PTPRM: variants seen among roughly 807,000 people sequenced by gnomAD.
The protein encoded by PTPRM is protein tyrosine phosphatase receptor type M.
PTPRM carries 47 observed loss-of-function variants against 186.7 expected under a neutral mutation model. That is an observed-to-expected ratio of 0.25 (90% CI 0.20 to 0.32). The LOEUF (loss-of-function observed/expected upper bound fraction) is 0.32. Among genes scored for constraint, PTPRM ranks in the 10% least tolerant of loss-of-function variants. The probability of loss-of-function intolerance (pLI) is 1.00; values close to 1 mark genes in which losing one functional copy is unlikely to be tolerated. For missense variants in PTPRM, 1,494 were observed against 1,865.0 expected, an observed-to-expected ratio of 0.80 and a Z score of 3.66; for synonymous variants, 668 against 674.9, an observed-to-expected ratio of 0.99 and a Z score of 0.16.
At chr18:8,124,339 T>C (rs185208737) in intron 13 of PTPRM, among the ~76,000 whole-genome samples, 1 of 152,354 alleles carries the variant, frequency 6.6e-6, no homozygotes. Context: ...ATTTTCCATT[T>C]GCATCACCCA....
chr18:7,732,245 A>AG (rs926967222), intron 1 of PTPRM, among the ~76,000 whole-genome samples: 1 of 152,144 alleles, frequency 6.6e-6, no homozygotes, highest in Non-Finnish European at 1.5e-5. Flanking sequence ...GCTAGCCTGA[A>AG]GGGGTGAGTG....
At chr18:8,373,470 C>T (rs959649263) in intron 24 of PTPRM, among the ~76,000 whole-genome samples, 1 of 152,160 alleles carries the variant, frequency 6.6e-6, no homozygotes, top group Non-Finnish European at 1.5e-5. Flanking sequence ...AGAAGGAAGA[C>T]ACCCCTGAAG....
intron 14 of PTPRM, among the ~76,000 whole-genome samples, chr18:8,228,817 C>T (rs935877411): frequency 6.6e-6 from 1 of 152,050 alleles, no homozygotes; most frequent in Non-Finnish European, 1.5e-5. Flanking sequence ...CACACCACCG[C>T]ACTCCAGCCT....
intron 32 of PTPRM, among the ~76,000 whole-genome samples, chr18:8,398,286 G>A (rs1234412842): frequency 1.3e-5 from 2 of 152,164 alleles, no homozygotes; most frequent in East Asian, 3.9e-4. Flanking sequence ...GCCTGGCCTG[G>A]CATCTTATCT....
intron 1 of PTPRM, among the ~76,000 whole-genome samples, chr18:7,593,549 C>G (rs563251435): frequency 9.9e-5 from 15 of 152,158 alleles, no homozygotes; most frequent in African/African-American, 3.1e-4. Flanking sequence ...AGGCAAGAAG[C>G]GGTGGAGCTT....
intron 11 of PTPRM, among the ~76,000 whole-genome samples, chr18:8,107,484 T>A (rs909133326): frequency 1.3e-5 from 2 of 152,218 alleles, no homozygotes; most frequent in African/African-American, 4.8e-5. Flanking sequence ...TAATATTTTA[T>A]TATATCAGAT....
chr18:8,065,108 A>G (rs1042246104), intron 7 of PTPRM, among the ~76,000 whole-genome samples: 3 of 152,216 alleles, frequency 2.0e-5, no homozygotes, highest in African/African-American at 4.8e-5. Context: ...TCCTAAAATT[A>G]TACCCAAATA....
At chr18:7,616,949 C>A (rs904555947) in intron 1 of PTPRM, among the ~76,000 whole-genome samples, 1 of 152,020 alleles carries the variant, frequency 6.6e-6, no homozygotes, top group Non-Finnish European at 1.5e-5. Context: ...GTGGGTTAGT[C>A]GAGGTTGTTC....
At chr18:8,068,674 C>T (rs1159418913) in intron 7 of PTPRM, among the ~76,000 whole-genome samples, 1 of 152,178 alleles carries the variant, frequency 6.6e-6, no homozygotes, top group Non-Finnish European at 1.5e-5. Context: ...CCAAAAATAC[C>T]TGCTCTGCTC....
At chr18:8,367,321 G>A (rs959882055) in intron 23 of PTPRM, among the ~76,000 whole-genome samples, 1 of 152,244 alleles carries the variant, frequency 6.6e-6, no homozygotes, top group Non-Finnish European at 1.5e-5. Flanking sequence ...CGCCCCGCCA[G>A]GTGCCTGTGC....
At chr18:8,216,829 C>T (rs1157792987) in intron 14 of PTPRM, among the ~76,000 whole-genome samples, 8 of 152,218 alleles carry the variant, frequency 5.3e-5, no homozygotes, top group Admixed American at 5.2e-4. Context: ...TGTTAATATT[C>T]AGCAAGAGTA....
chr18:7,632,224 A>G (rs2038208547), intron 1 of PTPRM, among the ~76,000 whole-genome samples: 1 of 152,156 alleles, frequency 6.6e-6, no homozygotes, highest in Non-Finnish European at 1.5e-5. Flanking sequence ...GAACCAGACC[A>G]TGGTGTTTTT....
chr18:8,358,694 C>T (rs560716638), intron 23 of PTPRM, among the ~76,000 whole-genome samples: 17 of 152,296 alleles, frequency 1.1e-4, no homozygotes, highest in African/African-American at 3.1e-4. Context: ...AGGTTGTACA[C>T]GAGAAGGAAC....
chr18:8,302,321 C>T (rs1020238905), intron 20 of PTPRM, among the ~76,000 whole-genome samples: 8 of 152,050 alleles, frequency 5.3e-5, no homozygotes, highest in East Asian at 3.9e-4. Flanking sequence ...CCTGTCATGC[C>T]GGGGAGCCCC....
chr18:7,756,603 C>T (rs1215653355), intron 1 of PTPRM, among the ~76,000 whole-genome samples: 2 of 152,120 alleles, frequency 1.3e-5, no homozygotes, highest in African/African-American at 4.8e-5. Flanking sequence ...AGTAGAGATG[C>T]AATTTACTTA....
At chr18:7,772,421 T>TCCC (rs2042358157) in intron 1 of PTPRM, among the ~76,000 whole-genome samples, 1 of 141,570 alleles carries the variant, frequency 7.1e-6, no homozygotes. Flanking sequence ...CTTTTCTTTC[T>TCCC]TTCTCCCTTC....
rs760294189 is a variant in PTPRM, at chr18:8,302,942, C to T, written c.2842+6487C>T. Among the ~76,000 whole-genome samples, 38 of 152,094 alleles carry T rather than the reference C, an allele frequency of 2.5e-4. 1 individual carries two copies. The Middle Eastern group carries it at 0.02, about 82-fold the overall frequency. ...GAGATGCTTTTGAAACATGCAAATG[C>T]GATGCCAAGCAGACAGTTCTGTAGA... On this transcript the variant is annotated intron_variant, in intron 20 of 32. Transcript: ENST00000580170.
intron 1 of PTPRM, among the ~76,000 whole-genome samples, chr18:7,702,768 C>T (rs2039993792): frequency 6.6e-6 from 1 of 152,158 alleles, no homozygotes; most frequent in African/African-American, 2.4e-5. Flanking sequence ...AGTCTTTGCC[C>T]ATGCCTATGT....
chr18:7,880,498 A>C (rs944374876), intron 2 of PTPRM, among the ~76,000 whole-genome samples: 1 of 152,150 alleles, frequency 6.6e-6, no homozygotes, highest in Non-Finnish European at 1.5e-5. Context: ...TAAGTATTTT[A>C]TGTTTGTAGG....
Sources: gnomAD v4.1 joint callset for allele counts (sites outside exome capture counted in the v4.1 genomes callset) on GRCh38, gnomAD v4.1.1 for gene constraint, MANE v1.5 for transcripts, NCBI Gene and HGNC (gene_info 2026-07-23, HGNC 2026-07-21) for gene names.